Variants in SNAP23 observed in about 807,000 individuals in gnomAD.
SNAP23 encodes synaptosomal-associated protein 23.
A neutral mutation model predicts 29.0 loss-of-function variants in SNAP23; 11 were observed. The observed-to-expected ratio is 0.38, with a 90% CI of 0.24 to 0.63. SNAP23 has a LOEUF of 0.63. Ranked by LOEUF, SNAP23 falls within the 20% of genes least tolerant of loss-of-function variation. The pLI is 0.58. For missense variants in SNAP23, 220 were observed against 253.9 expected, an observed-to-expected ratio of 0.87 and a Z score of 0.91; for synonymous variants, 60 against 82.9, an observed-to-expected ratio of 0.72 and a Z score of 1.50.
At chr15:42,498,392 G>A (rs2057241405) in intron 1 of SNAP23, among the ~76,000 whole-genome samples, 1 of 152,172 alleles carries the variant, frequency 6.6e-6, no homozygotes, top group African/African-American at 2.4e-5. Flanking sequence ...CTGTGCACCT[G>A]CAGGCCCAGC....
chr15:42,504,397 A>C (rs2057300945), intron 1 of SNAP23, among the ~76,000 whole-genome samples: 1 of 152,160 alleles, frequency 6.6e-6, no homozygotes, highest in Admixed American at 6.5e-5. Context: ...CTCAAAAAAA[A>C]AGTTGTATAT....
upstream of SNAP23, chr15:42,491,280 G>A (rs2057160149): frequency 6.6e-6 from 1 of 152,408 alleles, no homozygotes; most frequent in Non-Finnish European, 1.5e-5. Context: ...ACAAAGGCAG[G>A]CCCGCTTGCG....
chr15:42,513,633 C>CA (rs1220712738), intron 4 of SNAP23, among the ~76,000 whole-genome samples, 186 bp downstream of exon 4: 1 of 152,174 alleles, frequency 6.6e-6, no homozygotes, highest in Non-Finnish European at 1.5e-5. Context: ...GGATGGCAGG[C>CA]AACAATGCCC....
At chr15:42,519,662 A>T (rs999761467) in intron 5 of SNAP23, among the ~76,000 whole-genome samples, 1 of 151,896 alleles carries the variant, frequency 6.6e-6, no homozygotes, top group Non-Finnish European at 1.5e-5. Flanking sequence ...GAGCCACCGT[A>T]CCTGGACTTT....
At chr15:42,522,123 C>T (rs1275048303) in intron 5 of SNAP23, 1 of 152,482 alleles carries the variant, frequency 6.6e-6, no homozygotes, top group Non-Finnish European at 1.5e-5. Flanking sequence ...TCAAGATTTC[C>T]TCTATTAAAG....
chr15:42,531,609 G>A lies in SNAP23; in HGVS notation c.*131G>A, dbSNP rs1044674025. 14 of 605,904 alleles carry A rather than the reference G, an allele frequency of 2.3e-5. No homozygotes were observed. The Admixed American group carries it at 4.2e-4, about 18-fold the overall frequency. 37.5% of individuals were successfully genotyped at this position (605,904 alleles called of 1,614,324 possible). On this transcript the variant is annotated 3_prime_UTR_variant, in exon 8 of 8. Transcript: ENST00000249647. ...GAGATAATATGGAAGAAGGGCCAGAGCAGTTACAGCCCTCCTTCTTTTTTG... is the reference window on the plus strand; with the variant it reads ...GAGATAATATGGAAGAAGGGCCAGAACAGTTACAGCCCTCCTTCTTTTTTG...
chr15:42,517,454 T>A (rs2057406880), intron 5 of SNAP23, among the ~76,000 whole-genome samples: 2 of 152,146 alleles, frequency 1.3e-5, no homozygotes, highest in African/African-American at 4.8e-5. Context: ...AAGTCTCCCC[T>A]AAAATCTTAG....
chr15:42,498,695 T>G (rs1307809356), intron 1 of SNAP23, among the ~76,000 whole-genome samples: 1 of 152,222 alleles, frequency 6.6e-6, no homozygotes, highest in Non-Finnish European at 1.5e-5. Context: ...TTTCTTCTCT[T>G]TGCTTTATAA....
At chr15:42,531,070 C>CT (rs1316794926) in intron 7 of SNAP23, among the ~76,000 whole-genome samples, 2 of 152,134 alleles carry the variant, frequency 1.3e-5, no homozygotes, top group African/African-American at 4.8e-5. Context: ...AGGTCCAGAT[C>CT]TTTAACAGAG....
intron 1 of SNAP23, among the ~76,000 whole-genome samples, chr15:42,510,654 T>C (rs576044697): frequency 6.6e-6 from 1 of 152,284 alleles, no homozygotes; most frequent in Non-Finnish European, 1.5e-5. Flanking sequence ...TATTAGGTGT[T>C]AGAGATACAA....
intron 5 of SNAP23, among the ~76,000 whole-genome samples, chr15:42,527,019 G>A (rs980952104): frequency 2.0e-5 from 3 of 151,878 alleles, no homozygotes; most frequent in Non-Finnish European, 2.9e-5. Flanking sequence ...TGTATTTTTA[G>A]TAGAGATGGG....
chr15:42,513,004 A>G lies in SNAP23; in HGVS notation c.99+8A>G. The G allele has an allele frequency of 1.3e-6, 2 of 1,598,814 alleles. No homozygotes were observed. The highest frequency in any genetic ancestry group is 1.7e-6 in the Non-Finnish European group (2 of 1,165,998). ...CTGGGTTTAGCCATTGAGGTAAGAA[A>G]ATGTTAGTCATCAACTTAAGTATAG... On this transcript the variant is annotated splice_region_variant and intron_variant, in intron 3 of 7. Transcript: ENST00000249647.
At chr15:42,498,546 C>T (rs959711550) in intron 1 of SNAP23, among the ~76,000 whole-genome samples, 64 of 152,258 alleles carry the variant, frequency 4.2e-4, no homozygotes, top group African/African-American at 1.5e-3. Context: ...ACCATTTTTT[C>T]TTCCTAGGCC....
intron 7 of SNAP23, 152 bp from the exon 8 acceptor site, chr15:42,531,261 A>G: frequency 2.1e-6 from 1 of 472,438 alleles, no homozygotes; most frequent in Admixed American, 3.9e-5. Context: ...TGAATTTCAT[A>G]TTCTGTTACT....
chr15:42,491,901 T>TTTATTTATTTAG (rs1555433008), upstream of SNAP23, among the ~76,000 whole-genome samples: 9,054 of 146,850 alleles, frequency 0.062, 333 homozygotes, highest in South Asian at 0.11. Flanking sequence ...TATTTATTTA[T>TTTATTTATTTAG]TTAGTTAGTT....
chr15:42,493,345 T>C (rs2057189752), upstream of SNAP23, among the ~76,000 whole-genome samples: 2 of 151,520 alleles, frequency 1.3e-5, no homozygotes, highest in East Asian at 1.9e-4. Context: ...TCTCTCTCTC[T>C]CTCTCTCTCT....
At chr15:42,494,334 AC>A (rs1361563471), upstream of SNAP23, among the ~76,000 whole-genome samples, 5 of 151,790 alleles carry the variant, frequency 3.3e-5, no homozygotes, top group East Asian at 9.7e-4. Context: ...ATTAAAAAAA[AC>A]ATTTCTCAGG....
Position 42,513,422 on chromosome 15 carries a change from C to T in SNAP23, c.123C>T (p.Thr41=), listed in dbSNP as rs1321021200. The T allele has an allele frequency of 6.2e-7, 1 of 1,613,578 alleles. No homozygotes were observed. The highest frequency in any genetic ancestry group is 1.3e-5 in the African/African-American group (1 of 74,900). ...AIESQDAGIK[T]ITMLDEQKEQ... ...AGTCTCAGGATGCAGGAATCAAGACCATCACTATGCTGGATGAACAAAAGG... is the reference window on the plus strand; with the variant it reads ...AGTCTCAGGATGCAGGAATCAAGACTATCACTATGCTGGATGAACAAAAGG... The change falls in exon 4 of 8, where the codon ACC becomes ACT. Residue 41 remains threonine (T), a synonymous_variant. Coordinates refer to ENST00000249647, the MANE Select transcript of SNAP23 (RefSeq NM_003825.4).
At chr15:42,512,751 T>A (rs1567044771) in intron 2 of SNAP23, among the ~76,000 whole-genome samples, 1 of 151,826 alleles carries the variant, frequency 6.6e-6, no homozygotes, top group Admixed American at 6.6e-5. Context: ...AGTCTCACTA[T>A]GTTGTCTGGG....
Sources: allele counts gnomAD v4.1 joint callset (sites outside exome capture counted in the v4.1 genomes callset), GRCh38; gene constraint gnomAD v4.1.1; transcripts MANE v1.5; gene names NCBI Gene and HGNC (gene_info 2026-07-23, HGNC 2026-07-21).